Variants in SCOC observed in about 807,000 individuals in gnomAD.
The protein encoded by SCOC is short coiled coil protein.
SCOC carries 7 observed loss-of-function variants against 9.9 expected under a neutral mutation model. The ratio of observed to expected loss-of-function variants is 0.71; its 90% CI spans 0.40 to 1.33. SCOC has a LOEUF of 1.33. SCOC is among the 40% of genes most tolerant of loss of function. SCOC has a pLI of 0.01. For missense variants in SCOC, 66 were observed against 89.7 expected (o/e 0.74, Z 1.07); for synonymous variants, 19 against 28.2 (o/e 0.67, Z 1.03).
At chr4:140,257,788 T>C (rs1282681382) in intron 1 of SCOC, among the ~76,000 whole-genome samples, 1 of 152,184 alleles carries the variant, frequency 6.6e-6, no homozygotes, top group Non-Finnish European at 1.5e-5. Flanking sequence ...ATCATGACTG[T>C]TTCTATCCTC....
intron 1 of SCOC, among the ~76,000 whole-genome samples, chr4:140,329,635 C>T (rs974254641): frequency 6.6e-6 from 1 of 152,020 alleles, no homozygotes; most frequent in African/African-American, 2.4e-5. Flanking sequence ...AAAAAGTGGG[C>T]TAAGGACATG....
At chr4:140,379,356 C>T (rs549624413) in intron 2 of SCOC, among the ~76,000 whole-genome samples, 164 bp downstream of exon 2, 55 of 152,142 alleles carry the variant, frequency 3.6e-4, no homozygotes, top group Non-Finnish European at 5.7e-4. Flanking sequence ...AAAGCAGCTT[C>T]CATTCCTTAG....
intron 2 of SCOC, chr4:140,366,698 T>A: frequency 6.3e-7 from 1 of 1,592,364 alleles, no homozygotes; most frequent in Non-Finnish European, 8.6e-7. Flanking sequence ...GTGAGCTGCA[T>A]GCACTTGAAA....
At chr4:140,285,141 G>C (rs1236032330) in intron 1 of SCOC, 1 of 456,488 alleles carries the variant, frequency 2.2e-6, no homozygotes, top group African/African-American at 2.0e-5. Flanking sequence ...CTCAAAGCTT[G>C]TATATGAAGC....
chr4:140,280,291 T>C (rs919709442), intron 1 of SCOC, among the ~76,000 whole-genome samples: 5 of 152,036 alleles, frequency 3.3e-5, no homozygotes, highest in Non-Finnish European at 7.4e-5. Flanking sequence ...AATTTTTGTA[T>C]TTGTATTTTT....
intron 2 of SCOC, among the ~76,000 whole-genome samples, chr4:140,363,137 G>A (rs1300925093): frequency 6.6e-6 from 1 of 152,184 alleles, no homozygotes; most frequent in African/African-American, 2.4e-5. Context: ...GGGGCCCTCT[G>A]CCTCATCCCT....
intron 1 of SCOC, among the ~76,000 whole-genome samples, chr4:140,327,873 T>G (rs1437715231): frequency 6.6e-6 from 1 of 152,168 alleles, no homozygotes; most frequent in Non-Finnish European, 1.5e-5. Flanking sequence ...AGAAGCTGTT[T>G]GGCATGTTTT....
At chr4:140,333,347 T>C (rs575136435) in intron 1 of SCOC, among the ~76,000 whole-genome samples, 122 of 152,250 alleles carry the variant, frequency 8.0e-4, no homozygotes, top group African/African-American at 2.9e-3. Context: ...TATACATACA[T>C]GTGGTATATA....
At chr4:140,293,617 G>A (rs1731541037) in intron 1 of SCOC, among the ~76,000 whole-genome samples, 2 of 152,222 alleles carry the variant, frequency 1.3e-5, no homozygotes, top group South Asian at 4.1e-4. Context: ...GCTGAGTAGA[G>A]AATTCCACGC....
At chr4:140,328,893 C>T (rs1197815633) in intron 1 of SCOC, among the ~76,000 whole-genome samples, 1 of 152,160 alleles carries the variant, frequency 6.6e-6, no homozygotes, top group Non-Finnish European at 1.5e-5. Context: ...GCACTTTGAA[C>T]AGCAAAGCCC....
intron 1 of SCOC, among the ~76,000 whole-genome samples, chr4:140,324,700 A>G (rs1732595875): frequency 6.6e-6 from 1 of 152,118 alleles, no homozygotes; most frequent in Non-Finnish European, 1.5e-5. Flanking sequence ...AAACACATTG[A>G]CAGATACACT....
intron 1 of SCOC, among the ~76,000 whole-genome samples, chr4:140,267,679 G>C (rs1337662445): frequency 6.6e-6 from 1 of 152,108 alleles, no homozygotes. Flanking sequence ...CCTCCACCCA[G>C]TGACGTGGAG....
chr4:140,335,722 T>C (rs1732940129), intron 1 of SCOC, among the ~76,000 whole-genome samples: 1 of 152,140 alleles, frequency 6.6e-6, no homozygotes, highest in Non-Finnish European at 1.5e-5. Flanking sequence ...AGAAAGCCCA[T>C]AGCAAACACT....
chr4:140,287,118 C>T (rs1458838774), intron 1 of SCOC, among the ~76,000 whole-genome samples: 1 of 152,068 alleles, frequency 6.6e-6, no homozygotes, highest in Non-Finnish European at 1.5e-5. Context: ...TATGTACACA[C>T]ATGCTACACA....
At chr4:140,312,560 A>G (rs1732188275) in intron 1 of SCOC, among the ~76,000 whole-genome samples, 1 of 152,078 alleles carries the variant, frequency 6.6e-6, no homozygotes, top group Admixed American at 6.6e-5. Flanking sequence ...TTGAGTAGAT[A>G]GGACTATAGG....
chr4:140,366,220 C>T, intron 2 of SCOC: 1 of 695,676 alleles, frequency 1.4e-6, no homozygotes, highest in Admixed American at 7.1e-5. Context: ...ACTTTTATTA[C>T]TTTTCTAATC....
intron 1 of SCOC, among the ~76,000 whole-genome samples, chr4:140,266,814 G>C (rs73855709): frequency 0.028 from 4,318 of 152,186 alleles, 189 homozygotes; most frequent in African/African-American, 0.087. Flanking sequence ...AAAATAAAAA[G>C]GGAGGAAGGG....
chr4:140,374,016 G>A, intron 1 of SCOC: 1 of 575,968 alleles, frequency 1.7e-6, no homozygotes, highest in South Asian at 1.5e-5. Context: ...CAGCTCCTGG[G>A]TCGGGAGCCG....
At chr4:140,358,176 C>T (rs571896821) in intron 2 of SCOC, among the ~76,000 whole-genome samples, 9 of 152,242 alleles carry the variant, frequency 5.9e-5, no homozygotes, top group Non-Finnish European at 1.0e-4. Flanking sequence ...GAGTTGAATA[C>T]TTTTTTAAAA....
Sources: allele counts gnomAD v4.1 joint callset (sites outside exome capture counted in the v4.1 genomes callset), GRCh38; gene constraint gnomAD v4.1.1; transcripts MANE v1.5; gene names NCBI Gene and HGNC (gene_info 2026-07-23, HGNC 2026-07-21).